DSCAM: variants seen among roughly 807,000 people sequenced by gnomAD.
DSCAM encodes the protein cell adhesion molecule DSCAM.
In DSCAM, 47 loss-of-function variants were observed where a neutral mutation model predicts 217.7. That is an observed-to-expected ratio of 0.22 (90% CI 0.17 to 0.28). The LOEUF (loss-of-function observed/expected upper bound fraction) is 0.28, where lower values mean the gene tolerates loss of function less well. DSCAM is among the 10% of genes least tolerant of loss of function. The pLI, the probability that DSCAM is intolerant of heterozygous loss-of-function variation, is 1.00. For missense variants in DSCAM, 2,080 were observed against 2,618.3 expected, an observed-to-expected ratio of 0.79 and a Z score of 4.49; for synonymous variants, 1,056 against 1,015.3, an observed-to-expected ratio of 1.04 and a Z score of -0.76.
chr21:40,474,845 G>A (rs979283365), intron 3 of DSCAM, among the ~76,000 whole-genome samples: 1 of 152,172 alleles, frequency 6.6e-6, no homozygotes, highest in Non-Finnish European at 1.5e-5. Flanking sequence ...CGTGTCCTCT[G>A]AGGGTTCCCA....
chr21:40,576,316 A>G (rs2076850101), intron 3 of DSCAM, among the ~76,000 whole-genome samples: 1 of 152,234 alleles, frequency 6.6e-6, no homozygotes, highest in Non-Finnish European at 1.5e-5. Context: ...GATACCTAAG[A>G]ATACATACCA....
chr21:40,797,442 G>A (rs13052165), intron 1 of DSCAM, among the ~76,000 whole-genome samples: 138,436 of 152,278 alleles, frequency 0.91, 63,064 homozygotes, highest in African/African-American at 0.96. Context: ...TGATGTAGGT[G>A]GAACAACCAC....
intron 8 of DSCAM, among the ~76,000 whole-genome samples, chr21:40,322,685 T>C (rs974744025): frequency 4.6e-5 from 7 of 152,062 alleles, no homozygotes; most frequent in African/African-American, 1.7e-4. Flanking sequence ...CCATTACACC[T>C]GGCTAATTTT....
chr21:40,573,194 C>T (rs1161022810), intron 3 of DSCAM, among the ~76,000 whole-genome samples: 2 of 152,118 alleles, frequency 1.3e-5, no homozygotes, highest in Admixed American at 1.3e-4. Context: ...AAAAATTAGC[C>T]GGGCGCGGTG....
intron 1 of DSCAM, among the ~76,000 whole-genome samples, chr21:40,709,603 TC>T (rs1163014189): frequency 1.3e-5 from 2 of 152,156 alleles, no homozygotes; most frequent in Non-Finnish European, 2.9e-5. Context: ...GCTTTTCTGT[TC>T]CTGTGTTAGT....
rs1218742855 is a variant in DSCAM at position 40,628,291 on chromosome 21, C to T, written c.508+64519G>A. Among the ~76,000 whole-genome samples, 3 of 152,292 alleles carry T rather than the reference C, an allele frequency of 2.0e-5. No individual in the cohort carries two copies. The East Asian group carries it at 5.8e-4, about 29-fold the overall frequency. On this transcript the variant is annotated intron_variant, in intron 3 of 32. Transcript: ENST00000400454. ...CCAACTTGCCTTTGTGAAAGCCTGG[C>T]TCCCCCACTTACCAGATGAGAGAAC...
intron 3 of DSCAM, among the ~76,000 whole-genome samples, chr21:40,651,683 G>A (rs1018666206): frequency 1.2e-4 from 18 of 152,202 alleles, no homozygotes; most frequent in African/African-American, 4.1e-4. Flanking sequence ...CAAGGCTGCA[G>A]AGTCTTATAT....
At chr21:40,567,334 T>C (rs1481136783) in intron 3 of DSCAM, among the ~76,000 whole-genome samples, 2 of 152,220 alleles carry the variant, frequency 1.3e-5, no homozygotes, top group African/African-American at 4.8e-5. Flanking sequence ...CCTCCTTGTC[T>C]TCCTTGCTAA....
At chr21:40,464,119 C>A (rs182117333) in intron 3 of DSCAM, among the ~76,000 whole-genome samples, 2 of 152,222 alleles carry the variant, frequency 1.3e-5, no homozygotes, top group Non-Finnish European at 2.9e-5. Flanking sequence ...ATTTCTCCCA[C>A]ATTTCTATCT....
chr21:40,786,899 A>T (rs2091598855), intron 1 of DSCAM, among the ~76,000 whole-genome samples: 2 of 152,178 alleles, frequency 1.3e-5, no homozygotes, highest in South Asian at 4.1e-4. Flanking sequence ...CTTATTTTTC[A>T]TATTACGAAT....
At chr21:40,107,961 T>C (rs886390525) in intron 20 of DSCAM, among the ~76,000 whole-genome samples, 9 of 152,114 alleles carry the variant, frequency 5.9e-5, no homozygotes, top group Admixed American at 3.3e-4. Context: ...AAATCCAACA[T>C]CCATTCATGT....
At chr21:40,811,067 C>T (rs1392070277) in intron 1 of DSCAM, among the ~76,000 whole-genome samples, 3 of 152,120 alleles carry the variant, frequency 2.0e-5, no homozygotes, top group South Asian at 2.1e-4. Flanking sequence ...TTAATGGAGG[C>T]CCTGGCACAG....
intron 1 of DSCAM, among the ~76,000 whole-genome samples, chr21:40,825,280 TCC>T (rs2091959504): frequency 6.9e-6 from 1 of 144,364 alleles, no homozygotes; most frequent in African/African-American, 2.8e-5. Context: ...CTTCCTTCCT[TCC>T]TTCCTTCCTT....
chr21:40,781,185 A>T (rs561088495), intron 1 of DSCAM, among the ~76,000 whole-genome samples: 18 of 151,900 alleles, frequency 1.2e-4, no homozygotes, highest in Admixed American at 2.0e-4. Context: ...ATTTTTTAAC[A>T]TCTCTACTAA....
At position 40,261,613 on chromosome 21, in the gene DSCAM, G is replaced by A. The variant is rs372033892; in HGVS notation, c.2356+14484C>T. ...ACTTCTTAGCATCCATAATCATGTG[G>A]GCCAATTCCTTATAATAAACTTATT... On this transcript the variant is annotated intron_variant, in intron 11 of 32. Transcript: ENST00000400454. 3.8e-4 allele frequency among the ~76,000 whole-genome samples: 56 copies of A among 147,506 alleles called. 1 individual carries two copies. In the South Asian group the frequency reaches 6.0e-3, roughly 16 times the overall value.
chr21:40,624,974 T>C (rs1379526294), intron 3 of DSCAM, among the ~76,000 whole-genome samples: 1 of 152,230 alleles, frequency 6.6e-6, no homozygotes, highest in Non-Finnish European at 1.5e-5. Context: ...GTATATTTAT[T>C]ATGTTAGTTG....
At chr21:40,759,771 T>C (rs1259100481) in intron 1 of DSCAM, among the ~76,000 whole-genome samples, 4 of 152,190 alleles carry the variant, frequency 2.6e-5, no homozygotes, top group Non-Finnish European at 4.4e-5. Flanking sequence ...GCAGCAGTCA[T>C]TGCACAGCCT....
intron 5 of DSCAM, among the ~76,000 whole-genome samples, chr21:40,351,949 T>C (rs1056045902): frequency 6.6e-6 from 1 of 152,192 alleles, no homozygotes; most frequent in African/African-American, 2.4e-5. Flanking sequence ...ATAAGTAATG[T>C]GACTTGCAAT....
At chr21:40,135,634 C>T (rs1352562092) in intron 18 of DSCAM, among the ~76,000 whole-genome samples, 2 of 152,134 alleles carry the variant, frequency 1.3e-5, no homozygotes, top group African/African-American at 2.4e-5. Context: ...TTCCTTCCTG[C>T]TCATTGTTTT....
Sources: allele counts gnomAD v4.1 joint callset (sites outside exome capture counted in the v4.1 genomes callset), GRCh38; gene constraint gnomAD v4.1.1; transcripts MANE v1.5; gene names NCBI Gene and HGNC (gene_info 2026-07-23, HGNC 2026-07-21).